The following TXNDC16 variants were observed in gnomAD, a reference collection of about 807,000 sequenced individuals.
The protein encoded by TXNDC16 is thioredoxin domain-containing protein 16.
Under a neutral mutation model 85.6 loss-of-function variants are expected in TXNDC16, and 74 were observed. That is an observed-to-expected ratio of 0.86 (90% CI 0.72 to 1.05). The LOEUF is 1.05. Among genes scored for constraint, TXNDC16 ranks in the 50% least tolerant of loss-of-function variants. TXNDC16 has a pLI of 0.00. For synonymous variants in TXNDC16, 335 were observed against 326.5 expected (o/e 1.03, Z -0.28); for missense variants, 959 against 947.0 (o/e 1.01, Z -0.17).
intron 1 of TXNDC16, among the ~76,000 whole-genome samples, chr14:52,545,146 A>G (rs185641864): frequency 3.9e-5 from 6 of 152,314 alleles, no homozygotes; most frequent in Admixed American, 6.5e-5. Flanking sequence ...CCAGTATAGA[A>G]TATCATCTTT....
chr14:52,519,330 G>A (rs767860051), intron 6 of TXNDC16, 37 bp from the exon 7 acceptor site: 1 of 1,509,910 alleles, frequency 6.6e-7, no homozygotes. Flanking sequence ...AGAAAAATCT[G>A]ATATGTATTT....
intron 16 of TXNDC16, among the ~76,000 whole-genome samples, chr14:52,469,408 G>T (rs997323331): frequency 6.6e-6 from 1 of 151,698 alleles, no homozygotes; most frequent in Non-Finnish European, 1.5e-5. Context: ...CAAATATTAT[G>T]TAGCCATAAT....
At chr14:52,530,407 A>T (rs1256807023) in intron 6 of TXNDC16, among the ~76,000 whole-genome samples, 1 of 5,028 alleles carries the variant, frequency 2.0e-4, no homozygotes, top group Non-Finnish European at 2.8e-4. Context: ...ATAATATATA[A>T]TTATTATATA....
At chr14:52,440,868 AT>A in intron 18 of TXNDC16, 144 bp from the exon 19 acceptor site, 1 of 675,184 alleles carries the variant, frequency 1.5e-6, no homozygotes, top group Non-Finnish European at 2.3e-6. Context: ...ATTTTACTAT[AT>A]TAATAACTAT....
At chr14:52,551,311 CAAA>C (rs200262401) in intron 1 of TXNDC16, among the ~76,000 whole-genome samples, 23 of 139,504 alleles carry the variant, frequency 1.6e-4, no homozygotes, top group Non-Finnish European at 2.2e-4. Context: ...TCGTCTCTAC[CAAA>C]AAAAAAAAAA....
chr14:52,482,769 C>A, intron 13 of TXNDC16, 53 bp downstream of exon 13: 1 of 1,496,280 alleles, frequency 6.7e-7, no homozygotes, highest in Non-Finnish European at 8.9e-7. Flanking sequence ...AAAATTAAAT[C>A]TGGGTTTTTA....
At chr14:52,482,130 G>T in intron 14 of TXNDC16, 100 bp downstream of exon 14, 1 of 1,142,852 alleles carries the variant, frequency 8.8e-7, no homozygotes, top group South Asian at 1.6e-5. Context: ...CATAGTAACT[G>T]AAATTTTATG....
chr14:52,546,736 T>G (rs1428526677), intron 1 of TXNDC16, among the ~76,000 whole-genome samples: 6 of 152,230 alleles, frequency 3.9e-5, no homozygotes, highest in African/African-American at 1.4e-4. Flanking sequence ...GGGGTTATTA[T>G]AGCAGCATAA....
chr14:52,458,214 C>T (rs1377532918), intron 16 of TXNDC16, among the ~76,000 whole-genome samples: 1 of 152,144 alleles, frequency 6.6e-6, no homozygotes, highest in African/African-American at 2.4e-5. Context: ...AGCAAACTTA[C>T]TAGAGTAGCT....
At chr14:52,473,550 C>T (rs888567784) in intron 14 of TXNDC16, among the ~76,000 whole-genome samples, 2 of 152,022 alleles carry the variant, frequency 1.3e-5, no homozygotes, top group African/African-American at 2.4e-5. Flanking sequence ...ATATATATCA[C>T]TAAAAGTTAT....
In TXNDC16 at chr14:52,455,472, A is replaced by G; in HGVS notation, c.1704-10T>C. 5.0e-6 allele frequency: 8 copies of G among 1,613,126 alleles called. No individual in the cohort carries two copies. Among genetic ancestry groups the G allele is most frequent in the Non-Finnish European group, 6.8e-6 (8 of 1,179,654 alleles). On this transcript the variant is annotated splice_polypyrimidine_tract_variant and intron_variant, in intron 17 of 20. Coordinates refer to ENST00000281741, the MANE Select transcript of TXNDC16 (RefSeq NM_020784.3). Reference sequence around the variant, plus strand: ...AGCATATTTGGTTGACCTATGGAGAAAGGCAGTATTAAAATTCACGATCAA... The same window carrying G: ...AGCATATTTGGTTGACCTATGGAGAGAGGCAGTATTAAAATTCACGATCAA...
chr14:52,491,519 A>G (rs2036407424), intron 9 of TXNDC16, among the ~76,000 whole-genome samples: 1 of 151,888 alleles, frequency 6.6e-6, no homozygotes, highest in Non-Finnish European at 1.5e-5. Context: ...TAGGCATTAT[A>G]AAACTAACAG....
At chr14:52,495,026 G>A (rs982632892) in intron 9 of TXNDC16, among the ~76,000 whole-genome samples, 3 of 152,198 alleles carry the variant, frequency 2.0e-5, no homozygotes, top group Non-Finnish European at 4.4e-5. Context: ...TTGAGAATCC[G>A]TGTAGTTAAT....
chr14:52,516,869 G>T (rs1301479963), intron 7 of TXNDC16, among the ~76,000 whole-genome samples: 3 of 152,032 alleles, frequency 2.0e-5, no homozygotes, highest in Non-Finnish European at 4.4e-5. Flanking sequence ...TTTAGCTTCT[G>T]TCACACTGTC....
intron 6 of TXNDC16, among the ~76,000 whole-genome samples, chr14:52,527,299 A>G (rs1371323250): frequency 6.6e-5 from 10 of 152,140 alleles, no homozygotes; most frequent in Non-Finnish European, 1.5e-4. Flanking sequence ...TACTATCTTC[A>G]GGTAGGTACT....
intron 6 of TXNDC16, 151 bp downstream of exon 6, chr14:52,536,568 T>C (rs1037672751): frequency 1.5e-5 from 11 of 731,300 alleles, no homozygotes; most frequent in African/African-American, 3.6e-5. Context: ...AGATCCTCGA[T>C]GTGGGAAGAT....
chr14:52,468,341 T>C (rs1422705091), intron 16 of TXNDC16, among the ~76,000 whole-genome samples: 1 of 151,380 alleles, frequency 6.6e-6, no homozygotes, highest in East Asian at 1.9e-4. Flanking sequence ...CAAGAAAAAA[T>C]ACAGGTGAAT....
Position 52,432,103 on chromosome 14 carries a change from A to G in TXNDC16, c.*201T>C. 4.7e-6 allele frequency: 2 copies of G among 430,088 alleles called. No individual in the cohort carries two copies. The highest frequency in any genetic ancestry group is 4.0e-6 in the Non-Finnish European group (1 of 251,124). 26.6% of individuals were successfully genotyped at this position (430,088 alleles called of 1,614,324 possible). On this transcript the variant is annotated 3_prime_UTR_variant, in exon 21 of 21. Coordinates refer to ENST00000281741, the MANE Select transcript of TXNDC16 (RefSeq NM_020784.3). ...TGGGTATACTACTGGGTGAAAAGTA[A>G]TATCAAAATTATTTTGCCCTGCTCA...
Position 52,543,505 on chromosome 14 carries a change from C to A in TXNDC16, c.53G>T (p.Cys18Phe). The change falls in exon 3 of 21, where the codon TGC becomes TTC. Residue 18 changes from cysteine to phenylalanine, a missense_variant. Coordinates refer to ENST00000281741, the MANE Select transcript of TXNDC16 (RefSeq NM_020784.3). ...FRVGISFVIM[C>F]IFYMPTVNSL... Reference sequence around the variant, plus strand: ...GTTTACTGTTGGCATGTAAAAAATGCACATTATGACAAAAGAGATCCCAAC... The same window carrying A: ...GTTTACTGTTGGCATGTAAAAAATGAACATTATGACAAAAGAGATCCCAAC... 1.2e-6 allele frequency: 2 copies of A among 1,613,560 alleles called. No individual in the cohort carries two copies. Among genetic ancestry groups the A allele is most frequent in the Non-Finnish European group, 1.7e-6 (2 of 1,179,700 alleles).
Sources: allele counts gnomAD v4.1 joint callset (sites outside exome capture counted in the v4.1 genomes callset), GRCh38; gene constraint gnomAD v4.1.1; transcripts MANE v1.5; gene names NCBI Gene and HGNC (gene_info 2026-07-23, HGNC 2026-07-21).